Variants in FARS2 observed in about 807,000 individuals in gnomAD.
FARS2 encodes the protein phenylalanyl-tRNA synthetase 2, mitochondrial, also known as phenylalanine--tRNA ligase, mitochondrial.
In FARS2, 40 loss-of-function variants were observed where a neutral mutation model predicts 46.4. That is an observed-to-expected ratio of 0.86 (90% confidence interval 0.67 to 1.12). The LOEUF is 1.12. Ranked by LOEUF, FARS2 falls within the 50% of genes most tolerant of loss-of-function variation. FARS2 has a pLI of 0.00. For synonymous variants in FARS2, 234 were observed against 214.9 expected (o/e 1.09, Z -0.78); for missense variants, 513 against 567.9 (o/e 0.90, Z 0.98).
At chr6:5,611,567 A>G (rs1019415994) in intron 5 of FARS2, among the ~76,000 whole-genome samples, 1 of 152,222 alleles carries the variant, frequency 6.6e-6, no homozygotes, top group Non-Finnish European at 1.5e-5. Flanking sequence ...ATACCTACCT[A>G]TTAGTGGATT....
chr6:5,389,192 A>G (rs765027105), intron 2 of FARS2, among the ~76,000 whole-genome samples: 11 of 152,170 alleles, frequency 7.2e-5, no homozygotes, highest in Non-Finnish European at 1.0e-4. Flanking sequence ...ATGGCTTTGG[A>G]CATAGCGTCA....
intron 1 of FARS2, among the ~76,000 whole-genome samples, chr6:5,341,241 T>C (rs1189283297): frequency 1.9e-5 from 1 of 53,858 alleles, no homozygotes; most frequent in Non-Finnish European, 3.4e-5. Context: ...ATATATTTTT[T>C]TTTTTTTTTT....
At chr6:5,319,228 A>G (rs935542251) in intron 1 of FARS2, among the ~76,000 whole-genome samples, 1 of 152,144 alleles carries the variant, frequency 6.6e-6, no homozygotes, top group Non-Finnish European at 1.5e-5. Flanking sequence ...CTCCCAATAG[A>G]TAGAGGACAC....
chr6:5,608,796 G>T (rs562275880), intron 5 of FARS2, among the ~76,000 whole-genome samples: 1 of 151,988 alleles, frequency 6.6e-6, no homozygotes, highest in East Asian at 1.9e-4. Flanking sequence ...ACTCCAAAAA[G>T]AACCTGGCAT....
At chr6:5,591,441 A>G (rs955995653) in intron 5 of FARS2, among the ~76,000 whole-genome samples, 3 of 152,222 alleles carry the variant, frequency 2.0e-5, no homozygotes, top group African/African-American at 7.2e-5. Context: ...TCTGTGGGGA[A>G]GATCACAGAA....
intron 5 of FARS2, among the ~76,000 whole-genome samples, chr6:5,607,702 A>G (rs1029933746): frequency 2.0e-5 from 3 of 152,132 alleles, no homozygotes; most frequent in Non-Finnish European, 2.9e-5. Context: ...CGCCTGGCCA[A>G]TGGTGTAAAT....
intron 6 of FARS2, among the ~76,000 whole-genome samples, chr6:5,691,122 C>T (rs964510293): frequency 4.6e-5 from 7 of 152,040 alleles, no homozygotes; most frequent in Non-Finnish European, 8.8e-5. Flanking sequence ...AGCTTATTTG[C>T]AATGGGTTCA....
Position 5,591,820 on chromosome 6 carries a change from G to T in FARS2, c.1066-21349G>T, listed in dbSNP as rs373121823. Among the ~76,000 whole-genome samples the T allele has an allele frequency of 7.2e-5, 11 of 152,230 alleles. No homozygotes were observed. In the South Asian group the frequency reaches 2.3e-3, roughly 32 times the overall value. On this transcript the variant is annotated intron_variant, in intron 5 of 6. Coordinates refer to ENST00000274680, the MANE Select transcript of FARS2 (RefSeq NM_006567.5). Reference sequence around the variant, plus strand: ...TTTGTACTTCATTCCTTAAATTAGTGTAACCAATGTTTAAATTAAATATTT... The same window carrying T: ...TTTGTACTTCATTCCTTAAATTAGTTTAACCAATGTTTAAATTAAATATTT...
intron 6 of FARS2, among the ~76,000 whole-genome samples, chr6:5,684,969 A>G (rs1303679200): frequency 6.6e-6 from 1 of 152,188 alleles, no homozygotes; most frequent in Non-Finnish European, 1.5e-5. Flanking sequence ...GTGGAGCCGG[A>G]GAGCAATTTT....
intron 4 of FARS2, among the ~76,000 whole-genome samples, chr6:5,476,851 G>A (rs930378453): frequency 3.9e-5 from 6 of 152,278 alleles, no homozygotes; most frequent in Non-Finnish European, 7.4e-5. Context: ...GGGGTTATTG[G>A]GAGGAATAGG....
chr6:5,254,534 G>A, the FARS2 span, among the ~76,000 whole-genome samples: 3,297 of 152,236 alleles, frequency 0.022, 125 homozygotes, highest in African/African-American at 0.076. Context: ...GCACCAACTT[G>A]CTACCTAGGT....
chr6:5,659,338 G>A (rs1397806087), intron 6 of FARS2, among the ~76,000 whole-genome samples: 8 of 152,124 alleles, frequency 5.3e-5, no homozygotes, highest in African/African-American at 9.7e-5. Flanking sequence ...GATTCGTTCT[G>A]TAACTACATT....
intron 6 of FARS2, among the ~76,000 whole-genome samples, chr6:5,634,740 C>G (rs992940826): frequency 1.3e-5 from 2 of 152,228 alleles, no homozygotes; most frequent in Non-Finnish European, 2.9e-5. Context: ...GAGTAGCCCA[C>G]GTGGCAATCC....
In FARS2 at chr6:5,724,751, C is replaced by T. The variant is rs1760142569; in HGVS notation, c.1218-46540C>T. 3.3e-5 allele frequency among the ~76,000 whole-genome samples: 5 copies of T among 152,388 alleles called. No individual in the cohort carries two copies. In the South Asian group the frequency reaches 1.0e-3, roughly 32 times the overall value. On this transcript the variant is annotated intron_variant, in intron 6 of 6. Transcript: ENST00000274680. ...AGCAGCCCACCGTACTTCAGGACCA[C>T]TCTTTGTAATCAGGGAATTCTTCTT...
chr6:5,562,905 G>C (rs1433740462), intron 5 of FARS2, among the ~76,000 whole-genome samples: 1 of 151,482 alleles, frequency 6.6e-6, no homozygotes, highest in African/African-American at 2.4e-5. Flanking sequence ...CCAGATTGAA[G>C]CGATTCTCCT....
chr6:5,750,177 C>T (rs1029967514), intron 6 of FARS2, among the ~76,000 whole-genome samples: 5 of 152,014 alleles, frequency 3.3e-5, no homozygotes, highest in Non-Finnish European at 7.4e-5. Context: ...CAGGGGAATA[C>T]CTAGAAGAGT....
chr6:5,356,939 T>C (rs956315332), intron 1 of FARS2, among the ~76,000 whole-genome samples: 1 of 25,748 alleles, frequency 3.9e-5, no homozygotes, highest in South Asian at 1.2e-3. Flanking sequence ...TGGAGGGCTA[T>C]TTTTTTTTTT....
intron 1 of FARS2, among the ~76,000 whole-genome samples, chr6:5,261,921 G>A (rs2753248): frequency 1.3e-5 from 2 of 152,076 alleles, no homozygotes; most frequent in African/African-American, 2.4e-5. Flanking sequence ...TCAGAAGACT[G>A]CAGCTTTTTT....
At chr6:5,569,917 G>A (rs1582471863) in intron 5 of FARS2, among the ~76,000 whole-genome samples, 1 of 152,036 alleles carries the variant, frequency 6.6e-6, no homozygotes, top group Non-Finnish European at 1.5e-5. Flanking sequence ...CATTAACAGG[G>A]GTTGGGGAGA....
Sources: allele counts gnomAD v4.1 joint callset (sites outside exome capture counted in the v4.1 genomes callset), GRCh38; gene constraint gnomAD v4.1.1; transcripts MANE v1.5; gene names NCBI Gene and HGNC (gene_info 2026-07-23, HGNC 2026-07-21).